Variants in HERC1 observed in about 807,000 individuals in gnomAD.
HERC1 encodes the protein HECT and RLD domain containing E3 ubiquitin protein ligase family member 1.
A neutral mutation model predicts 554.3 loss-of-function variants in HERC1; 160 were observed. The ratio of observed to expected loss-of-function variants is 0.29; its 90% confidence interval spans 0.25 to 0.33. The LOEUF (loss-of-function observed/expected upper bound fraction) is 0.33. HERC1 is among the 10% of genes least tolerant of loss of function. The pLI is 1.00. For missense variants in HERC1, 4,919 were observed against 5,918.5 expected (o/e 0.83, Z 5.54); for synonymous variants, 2,175 against 2,131.7 (o/e 1.02, Z -0.56).
At chr15:63,613,864 A>G (rs2067705205) in intron 76 of HERC1, among the ~76,000 whole-genome samples, 2 of 152,206 alleles carry the variant, frequency 1.3e-5, no homozygotes, top group African/African-American at 4.8e-5. Flanking sequence ...AGGTTGTCCC[A>G]TAAGGATCAG....
chr15:63,671,264 G>C (rs1444082168), intron 39 of HERC1, among the ~76,000 whole-genome samples: 3 of 150,940 alleles, frequency 2.0e-5, no homozygotes, highest in Non-Finnish European at 4.4e-5. Flanking sequence ...CAGCTACTCA[G>C]GAGACTGAGG....
At chr15:63,617,739 T>C (rs1334771772) in intron 74 of HERC1, among the ~76,000 whole-genome samples, 1 of 152,214 alleles carries the variant, frequency 6.6e-6, no homozygotes, top group African/African-American at 2.4e-5. Context: ...TGGTTTTGAT[T>C]TGCATTTCTC....
In HERC1 at chr15:63,625,794, C is replaced by T. The variant is rs947773767; in HGVS notation, c.13275+191G>A. ...AAACACAGAAGGAAGACCACTCTGT[C>T]CAGCAGCATCATGTCCAACCTCTAG... On this transcript the variant is annotated intron_variant, in intron 71 of 77. Transcript: ENST00000443617. 3 of 688,064 alleles carry T rather than the reference C, an allele frequency of 4.4e-6. No homozygotes were observed. In the African/African-American group the frequency reaches 5.4e-5, roughly 12 times the overall value. 42.6% of individuals were successfully genotyped at this position (688,064 alleles called of 1,614,324 possible).
At chr15:63,763,203 C>A (rs1269300535) in intron 3 of HERC1, among the ~76,000 whole-genome samples, 1 of 152,152 alleles carries the variant, frequency 6.6e-6, no homozygotes, top group African/African-American at 2.4e-5. Context: ...TGGGTCTGAT[C>A]ACCCCAACAC....
In HERC1 at chr15:63,629,161, G is replaced by T. The variant is rs143786459; in HGVS notation, c.12967-346C>A. ...GATGGGGTTTCACCATCTTGGCCAG[G>T]CTGATCTTGAACTCCTGAGCTCAGG... On this transcript the variant is annotated intron_variant, in intron 69 of 77. Coordinates refer to ENST00000443617, the MANE Select transcript of HERC1 (RefSeq NM_003922.4). Among the ~76,000 whole-genome samples the T allele has an allele frequency of 4.2e-3, 637 of 152,208 alleles. 8 individuals are homozygous for T. Among genetic ancestry groups the T allele is most frequent in the African/African-American group, 0.015 (611 of 41,520 alleles).
At chr15:63,780,740 C>T (rs1477820185) in intron 1 of HERC1, among the ~76,000 whole-genome samples, 1 of 151,060 alleles carries the variant, frequency 6.6e-6, no homozygotes, top group African/African-American at 2.4e-5. Context: ...AAAGGTAAAA[C>T]AGAGACTAAA....
At chr15:63,628,595 G>C (rs2068409691) in intron 70 of HERC1, 82 bp downstream of exon 70, 1 of 1,395,302 alleles carries the variant, frequency 7.2e-7, no homozygotes, top group Non-Finnish European at 9.6e-7. Flanking sequence ...GCTGGATACA[G>C]TTGGGAACTG....
rs369636280 is a variant in HERC1 at position 63,786,805 on chromosome 15, T to C, written c.-26-11156A>G. Reference sequence around the variant, plus strand: ...ATTTTACTTTGGAATTATGAAAATGTTTTGGAACTAGAGACGGTAGTTGCA... The same window carrying C: ...ATTTTACTTTGGAATTATGAAAATGCTTTGGAACTAGAGACGGTAGTTGCA... On this transcript the variant is annotated intron_variant, in intron 1 of 77. Coordinates refer to ENST00000443617, the MANE Select transcript of HERC1 (RefSeq NM_003922.4). Among the ~76,000 whole-genome samples the C allele has an allele frequency of 1.1e-4, 17 of 152,262 alleles. No homozygotes were observed. The East Asian group carries it at 2.7e-3, about 24-fold the overall frequency.
chr15:63,630,495 A>G lies in HERC1; in HGVS notation c.12937T>C (p.Tyr4313His), dbSNP rs1438302162. Reference sequence around the variant, plus strand: ...CCTTCTGAATTGCTCCCCCAGGCATACACATCTCCATTTGATGCCAAAGCA... The same window carrying G: ...CCTTCTGAATTGCTCCCCCAGGCATGCACATCTCCATTTGATGCCAAAGCA... Reference protein sequence around the residue: ...TLALASNGDVYAWGSNSEGQL... With the variant: ...TLALASNGDVHAWGSNSEGQL... Residue 4313 changes from tyrosine (Y) to histidine (H), a missense_variant, in exon 69 of 78, where the codon TAT becomes CAT. Coordinates refer to ENST00000443617, the MANE Select transcript of HERC1 (RefSeq NM_003922.4). 2 of 1,613,886 alleles carry G rather than the reference A, an allele frequency of 1.2e-6. No homozygotes were observed. The highest frequency in any genetic ancestry group is 8.5e-7 in the Non-Finnish European group (1 of 1,179,830).
intron 22 of HERC1, among the ~76,000 whole-genome samples, chr15:63,714,621 C>T (rs958627753): frequency 3.6e-5 from 5 of 139,404 alleles, no homozygotes; most frequent in African/African-American, 1.3e-4. Flanking sequence ...ACGATCTCGG[C>T]TCACTGCAAC....
intron 1 of HERC1, among the ~76,000 whole-genome samples, chr15:63,794,782 C>T (rs868136733): frequency 1.3e-5 from 2 of 152,036 alleles, no homozygotes; most frequent in African/African-American, 4.8e-5. Flanking sequence ...AAGAAAAACA[C>T]GTAAAGGGTT....
intron 1 of HERC1, among the ~76,000 whole-genome samples, chr15:63,801,368 T>A (rs146233060): frequency 2.0e-5 from 3 of 152,306 alleles, no homozygotes; most frequent in Admixed American, 6.5e-5. Flanking sequence ...CCCTTAAACC[T>A]GTGTAGTCTG....
chr15:63,766,481 G>A (rs1308576289), intron 2 of HERC1, among the ~76,000 whole-genome samples: 2 of 152,132 alleles, frequency 1.3e-5, no homozygotes, highest in Admixed American at 1.3e-4. Context: ...CTAGATACTT[G>A]AGAGGCTGAG....
At chr15:63,770,452 TC>T (rs1293640154) in intron 2 of HERC1, among the ~76,000 whole-genome samples, 3 of 152,220 alleles carry the variant, frequency 2.0e-5, no homozygotes, top group Admixed American at 6.5e-5. Flanking sequence ...AGCTTATTCA[TC>T]TTTTTAACCC....
intron 34 of HERC1, among the ~76,000 whole-genome samples, chr15:63,684,954 A>C (rs544022215): frequency 2.0e-5 from 3 of 152,358 alleles, no homozygotes; most frequent in South Asian, 2.1e-4. Flanking sequence ...GGTTGCAGTG[A>C]GCCAAGATCG....
intron 32 of HERC1, 106 bp downstream of exon 32, chr15:63,690,435 T>C (rs1355303585): frequency 1.4e-6 from 1 of 691,200 alleles, no homozygotes; most frequent in Non-Finnish European, 2.4e-6. Context: ...CGTTATGCTA[T>C]TGAATAAAAG....
At chr15:63,631,635 G>A (rs2068561611) in intron 68 of HERC1, among the ~76,000 whole-genome samples, 5 of 152,158 alleles carry the variant, frequency 3.3e-5, no homozygotes, top group Admixed American at 3.3e-4. Flanking sequence ...TGCCTTCCAG[G>A]TTCAAGCAAT....
At chr15:63,629,840 T>A (rs1273781171) in intron 69 of HERC1, among the ~76,000 whole-genome samples, 1 of 152,126 alleles carries the variant, frequency 6.6e-6, no homozygotes, top group East Asian at 1.9e-4. Context: ...TGGCTCTGCA[T>A]GTGGAGCTAA....
At chr15:63,639,314 T>C (rs1224001208) in intron 61 of HERC1, among the ~76,000 whole-genome samples, 2 of 152,246 alleles carry the variant, frequency 1.3e-5, no homozygotes, top group Non-Finnish European at 2.9e-5. Context: ...CACAAATACT[T>C]ATCACTGTTA....
Sources: gnomAD v4.1 joint callset for allele counts (sites outside exome capture counted in the v4.1 genomes callset) on GRCh38, gnomAD v4.1.1 for gene constraint, MANE v1.5 for transcripts, NCBI Gene and HGNC (gene_info 2026-07-23, HGNC 2026-07-21) for gene names.